Variants in CPNE4 observed in about 807,000 individuals in gnomAD.
CPNE4 encodes copine-4.
A neutral mutation model predicts 67.9 loss-of-function variants in CPNE4; 25 were observed. The ratio of observed to expected loss-of-function variants is 0.37; its 90% CI spans 0.27 to 0.51. The LOEUF (loss-of-function observed/expected upper bound fraction) is 0.51, where lower values mean the gene tolerates loss of function less well. Among genes scored for constraint, CPNE4 ranks in the 20% least tolerant of loss-of-function variants. The pLI is 0.93. For synonymous variants in CPNE4, 242 were observed against 244.9 expected (o/e 0.99, Z 0.11); for missense variants, 464 against 690.8 (o/e 0.67, Z 3.68).
chr3:131,878,066 T>C (rs990566381), intron 2 of CPNE4, among the ~76,000 whole-genome samples: 5 of 152,196 alleles, frequency 3.3e-5, no homozygotes, highest in African/African-American at 1.2e-4. Context: ...TGTAGAAAAC[T>C]GTTTGAAAAT....
At chr3:131,538,522 A>G (rs1262156327) in intron 15 of CPNE4, among the ~76,000 whole-genome samples, 2 of 152,250 alleles carry the variant, frequency 1.3e-5, no homozygotes, top group African/African-American at 4.8e-5. Flanking sequence ...ACCAGGCACT[A>G]TCTTAAGCTT....
At chr3:131,624,740 A>G (rs1219102531) in intron 7 of CPNE4, among the ~76,000 whole-genome samples, 1 of 152,124 alleles carries the variant, frequency 6.6e-6, no homozygotes, top group Non-Finnish European at 1.5e-5. Context: ...TGTGCTTTCT[A>G]GTTTCTTCAG....
At chr3:131,695,840 G>T (rs1245077126) in intron 5 of CPNE4, among the ~76,000 whole-genome samples, 1 of 152,146 alleles carries the variant, frequency 6.6e-6, no homozygotes, top group Non-Finnish European at 1.5e-5. Flanking sequence ...GGTAGAATAA[G>T]TTGGCCTTAC....
At chr3:131,903,785 G>C (rs146028305) in intron 2 of CPNE4, among the ~76,000 whole-genome samples, 9 of 152,104 alleles carry the variant, frequency 5.9e-5, no homozygotes, top group Middle Eastern at 3.4e-3. Flanking sequence ...GTAAAGTTTA[G>C]GTCATATTGT....
At chr3:131,667,739 A>G (rs1334971599) in intron 7 of CPNE4, among the ~76,000 whole-genome samples, 2 of 151,874 alleles carry the variant, frequency 1.3e-5, no homozygotes, top group Non-Finnish European at 2.9e-5. Flanking sequence ...ATTTCTCTAC[A>G]GGCAGCAGAG....
chr3:131,700,061 T>TG, intron 3 of CPNE4, 81 bp from the exon 4 acceptor site: 2 of 719,900 alleles, frequency 2.8e-6, no homozygotes, highest in Non-Finnish European at 4.2e-6. Flanking sequence ...AACCTTTTTT[T>TG]TTTTTTTTTT....
chr3:131,558,365 C>G (rs1012974495), intron 11 of CPNE4, among the ~76,000 whole-genome samples: 1 of 151,972 alleles, frequency 6.6e-6, no homozygotes, highest in Non-Finnish European at 1.5e-5. Context: ...CATCTGTATA[C>G]TAACGCTTTA....
intron 2 of CPNE4, among the ~76,000 whole-genome samples, chr3:131,734,799 G>C (rs2082199964): frequency 6.6e-6 from 1 of 152,096 alleles, no homozygotes; most frequent in African/African-American, 2.4e-5. Flanking sequence ...GTTGAGGTGG[G>C]AGAATCACCT....
chr3:131,968,498 A>G (rs998947586), intron 1 of CPNE4, among the ~76,000 whole-genome samples: 1 of 152,246 alleles, frequency 6.6e-6, no homozygotes, highest in Non-Finnish European at 1.5e-5. Context: ...TGAGGAACTT[A>G]AACAAATTTA....
chr3:131,836,296 G>A (rs866350892), intron 2 of CPNE4, among the ~76,000 whole-genome samples: 1 of 152,032 alleles, frequency 6.6e-6, no homozygotes, highest in Non-Finnish European at 1.5e-5. Context: ...TGCAAAGCTG[G>A]TTCAATACTC....
intron 1 of CPNE4, among the ~76,000 whole-genome samples, chr3:132,024,073 T>G (rs923636377): frequency 6.9e-5 from 9 of 130,460 alleles, no homozygotes; most frequent in Non-Finnish European, 1.4e-4. Context: ...CTCTTTGGGG[T>G]CTTCAGTAAT....
At chr3:131,833,833 C>G (rs1450623435) in intron 2 of CPNE4, among the ~76,000 whole-genome samples, 1 of 152,212 alleles carries the variant, frequency 6.6e-6, no homozygotes, top group African/African-American at 2.4e-5. Context: ...TCCCACATTT[C>G]ATGGTGCTTC....
rs187513486 is a variant in CPNE4, at chr3:131,912,094, C to T, written c.-1-6650G>A. 2.9e-4 allele frequency among the ~76,000 whole-genome samples: 37 copies of T among 128,364 alleles called. No individual in the cohort carries two copies. The East Asian group carries it at 7.7e-3, about 27-fold the overall frequency. The allele number at this position is 128,364 out of a possible 152,430, so 84.2% of individuals were successfully genotyped here. A position where few individuals can be genotyped will look rare whatever the true frequency, so the allele number is the denominator to read the frequency against. On this transcript the variant is annotated intron_variant, in intron 1 of 15. Coordinates refer to ENST00000429747, the MANE Select transcript of CPNE4 (RefSeq NM_130808.3). ...TTTAAATCCTCTTTGTTGCCTTTCACACAATACCTTGGGGAGACTAATGTC... is the reference window on the plus strand; with the variant it reads ...TTTAAATCCTCTTTGTTGCCTTTCATACAATACCTTGGGGAGACTAATGTC...
At chr3:131,876,693 T>G (rs1412980489) in intron 2 of CPNE4, among the ~76,000 whole-genome samples, 2 of 151,650 alleles carry the variant, frequency 1.3e-5, no homozygotes, top group African/African-American at 4.8e-5. Context: ...CTCTGTTTCA[T>G]TGAGTGTGTG....
intron 2 of CPNE4, among the ~76,000 whole-genome samples, chr3:131,828,996 G>A (rs912713789): frequency 1.3e-5 from 2 of 152,214 alleles, no homozygotes; most frequent in African/African-American, 2.4e-5. Context: ...TTGGACTTAA[G>A]GTTCCACATA....
At chr3:131,598,555 T>A (rs78325011) in intron 7 of CPNE4, among the ~76,000 whole-genome samples, 1 of 152,316 alleles carries the variant, frequency 6.6e-6, no homozygotes, top group South Asian at 2.1e-4. Flanking sequence ...TTTTTATAGA[T>A]GATGATCCCG....
At chr3:131,615,916 C>G (rs1450814856) in intron 7 of CPNE4, among the ~76,000 whole-genome samples, 3 of 94,566 alleles carry the variant, frequency 3.2e-5, no homozygotes, top group Non-Finnish European at 5.6e-5. Flanking sequence ...CACACACACA[C>G]ACACACACAC....
intron 1 of CPNE4, among the ~76,000 whole-genome samples, chr3:131,976,843 C>G (rs2072670305): frequency 6.6e-6 from 1 of 151,668 alleles, no homozygotes; most frequent in Admixed American, 6.6e-5. Flanking sequence ...ACCGTGTCAC[C>G]CAGGCTGGAG....
At chr3:131,878,560 T>C (rs2087544110) in intron 2 of CPNE4, among the ~76,000 whole-genome samples, 1 of 152,186 alleles carries the variant, frequency 6.6e-6, no homozygotes, top group Non-Finnish European at 1.5e-5. Flanking sequence ...TACAGGTGTG[T>C]TCATTTTCTG....
Sources: allele counts gnomAD v4.1 joint callset (sites outside exome capture counted in the v4.1 genomes callset), GRCh38; gene constraint gnomAD v4.1.1; transcripts MANE v1.5; gene names NCBI Gene and HGNC (gene_info 2026-07-23, HGNC 2026-07-21).